The following ATP2C1 variants were observed in gnomAD, a reference collection of about 807,000 sequenced individuals.
ATP2C1 encodes the protein calcium-transporting ATPase type 2C member 1.
Under a neutral mutation model 120.5 loss-of-function variants are expected in ATP2C1, and 31 were observed. That is an observed-to-expected ratio of 0.26 (90% CI 0.19 to 0.35). ATP2C1 has a LOEUF of 0.35. Among genes scored for constraint, ATP2C1 ranks in the 10% least tolerant of loss-of-function variants. ATP2C1 has a pLI of 1.00. For missense variants in ATP2C1, 731 were observed against 1,107.5 expected (o/e 0.66, Z 4.83); for synonymous variants, 351 against 358.7 (o/e 0.98, Z 0.24).
At chr3:130,973,369 A>C (rs2061413367) in intron 17 of ATP2C1, among the ~76,000 whole-genome samples, 1 of 152,180 alleles carries the variant, frequency 6.6e-6, no homozygotes, top group Non-Finnish European at 1.5e-5. Flanking sequence ...CTTTAAGCAA[A>C]GGGGAGATCA....
intron 26 of ATP2C1, among the ~76,000 whole-genome samples, chr3:131,013,107 T>G (rs1417292214): frequency 6.6e-6 from 1 of 152,170 alleles, no homozygotes; most frequent in Non-Finnish European, 1.5e-5. Context: ...CCCAATGCAT[T>G]TATTCTACTT....
chr3:130,880,576 A>C (rs2068750137), intron 1 of ATP2C1, among the ~76,000 whole-genome samples: 3 of 152,256 alleles, frequency 2.0e-5, no homozygotes, highest in African/African-American at 7.2e-5. Context: ...AAATTTTCTA[A>C]GCTAAAGGAT....
chr3:130,865,730 TGCCTTTCACTTCCC>T (rs1385583879), intron 1 of ATP2C1, among the ~76,000 whole-genome samples: 1 of 152,210 alleles, frequency 6.6e-6, no homozygotes, highest in Non-Finnish European at 1.5e-5. Flanking sequence ...ATGTAAGAAG[TGCCTTTCACTTCCC>T]GCCATGTTTC....
intron 5 of ATP2C1, among the ~76,000 whole-genome samples, chr3:130,936,656 CA>C (rs1177507732): frequency 3.3e-4 from 48 of 144,458 alleles, no homozygotes; most frequent in Middle Eastern, 3.5e-3. Flanking sequence ...ACTAAAAATA[CA>C]AAAAAAAAAA....
chr3:130,872,710 G>A (rs1009252416), intron 1 of ATP2C1, among the ~76,000 whole-genome samples: 16 of 151,912 alleles, frequency 1.1e-4, no homozygotes, highest in African/African-American at 3.9e-4. Context: ...TTAGCCTCCC[G>A]AGTAGCTGTG....
chr3:130,903,700 CCCTTTCCTTTCCTTTCCTTT>C (rs145176420), intron 2 of ATP2C1, among the ~76,000 whole-genome samples: 2 of 138,498 alleles, frequency 1.4e-5, no homozygotes, highest in Non-Finnish European at 3.1e-5. Flanking sequence ...TTCCCCTTTC[CCCTTTCCTTTCCTTTCCTTT>C]CCTTTCCTTT....
chr3:130,933,563 C>A (rs2059542203), intron 4 of ATP2C1, among the ~76,000 whole-genome samples: 1 of 152,198 alleles, frequency 6.6e-6, no homozygotes. Flanking sequence ...GGTACTCTGA[C>A]TCAGTCAGGT....
rs375738075 is a variant in ATP2C1, at chr3:130,889,048, T to C, written c.108+38120T>C. On this transcript the variant is annotated intron_variant, in intron 1 of 26. Coordinates refer to the ATP2C1 transcript ENST00000504381. ...TTTACCCAATTATTCCAGTTCCGGG[T>C]TGTAGGTGGCTGGAGCCTATCCAGC... Among the ~76,000 whole-genome samples the C allele has an allele frequency of 5.3e-5, 8 of 152,140 alleles. No homozygotes were observed. The South Asian group carries it at 1.2e-3, about 24-fold the overall frequency.
Position 130,940,689 on chromosome 3 carries a change from T to C in ATP2C1, c.420T>C (p.His140=), listed in dbSNP as rs2059852679. The C allele has an allele frequency of 1.2e-6, 2 of 1,610,420 alleles. No homozygotes were observed. The highest frequency in any genetic ancestry group is 1.1e-5 in the South Asian group (1 of 91,016). ...ELSKLVPPEC[H]CVREGKLEHT... is the part of the protein sequence containing the mutation. Reference sequence around the variant, plus strand: ...GTAAACTTGTGCCACCAGAATGCCATTGGTATGATCCTTTTTTTGGTATGG... The same window carrying C: ...GTAAACTTGTGCCACCAGAATGCCACTGGTATGATCCTTTTTTTGGTATGG... The change falls in exon 7 of 28, where the codon CAT becomes CAC. Residue 140 remains histidine, a splice_region_variant and synonymous_variant. Transcript: ENST00000510168.
chr3:130,926,264 C>G (rs1217296745), intron 2 of ATP2C1, among the ~76,000 whole-genome samples: 1 of 152,180 alleles, frequency 6.6e-6, no homozygotes, highest in Non-Finnish European at 1.5e-5. Context: ...GTCCTGCCTC[C>G]TATCCACCAT....
chr3:130,855,054 C>T (rs752871987), intron 1 of ATP2C1, among the ~76,000 whole-genome samples: 1 of 152,196 alleles, frequency 6.6e-6, no homozygotes, highest in African/African-American at 2.4e-5. Flanking sequence ...CTTTCTCCCC[C>T]TTACGTCCCC....
chr3:130,912,861 C>T (rs1350212246), intron 2 of ATP2C1, among the ~76,000 whole-genome samples: 2 of 152,086 alleles, frequency 1.3e-5, no homozygotes, highest in Non-Finnish European at 2.9e-5. Flanking sequence ...CCCAAATGCC[C>T]AACAATGATA....
chr3:130,886,296 T>C (rs1200784570), intron 1 of ATP2C1, among the ~76,000 whole-genome samples: 2 of 152,310 alleles, frequency 1.3e-5, no homozygotes, highest in African/African-American at 4.8e-5. Flanking sequence ...GAGTCTGATA[T>C]ATTAAATACC....
intron 2 of ATP2C1, among the ~76,000 whole-genome samples, chr3:130,906,042 T>C (rs767367231): frequency 1.5e-4 from 23 of 152,130 alleles, no homozygotes; most frequent in Non-Finnish European, 2.8e-4. Context: ...TGGTAAATCA[T>C]GAAGTATTTT....
intron 6 of ATP2C1, 150 bp downstream of exon 6, chr3:130,937,613 A>G (rs1269242972): frequency 4.2e-6 from 3 of 718,044 alleles, no homozygotes; most frequent in South Asian, 3.2e-5. Flanking sequence ...GATACAGACA[A>G]CTCTTCAGGG....
In ATP2C1 at chr3:130,941,596, G is replaced by A. The variant is rs747565606; in HGVS notation, c.428G>A (p.Arg143His). Reference protein sequence around the residue: ...KLVPPECHCVREGKLEHTLAR... With the variant: ...KLVPPECHCVHEGKLEHTLAR... ...GTTTCTATTTCGTGTTACAGTGTGC[G>A]TGAAGGAAAATTGGAGCATACACTT... Residue 143 changes from arginine to histidine, a missense_variant, in exon 8 of 28, where the codon CGT (arginine) becomes CAT (histidine). Arg to His is a conservative substitution (Grantham distance 29, BLOSUM62 0). Around this residue, in one of 3 missense-constraint regions of ATP2C1, gnomAD observed 571 missense variants for 845.9 expected, o/e 0.67. Transcript: ENST00000510168. 7 of 1,613,080 alleles carry A rather than the reference G, an allele frequency of 4.3e-6. No individual in the cohort carries two copies. The highest frequency in any genetic ancestry group is 2.2e-5 in the East Asian group (1 of 44,844).
At position 130,977,885 on chromosome 3, in the gene ATP2C1, T is replaced by A. The variant is rs184570699; in HGVS notation, c.1571-1364T>A. ...ATTACATCTTATGAAACAAGTTTCT[T>A]AAAATACTGTGGTTCTTAATTTTGA... On this transcript the variant is annotated intron_variant, in intron 18 of 27. Transcript: ENST00000510168. 4.6e-3 allele frequency among the ~76,000 whole-genome samples: 698 copies of A among 152,324 alleles called. 4 individuals carry two copies. The highest frequency in any genetic ancestry group is 0.015 in the African/African-American group (633 of 41,562).
rs1217892964 is a variant in ATP2C1 at position 130,983,156 on chromosome 3, A to C, written c.1839+2477A>C. ...TTTTCCTGTTGAAATTTGAGCTTCT[A>C]TTCTTTTTACTACTGTAAATGTTCC... On this transcript the variant is annotated intron_variant, in intron 20 of 27. Transcript: ENST00000510168. Among the ~76,000 whole-genome samples the C allele has an allele frequency of 2.6e-5, 4 of 152,278 alleles. No individual in the cohort carries two copies. In the East Asian group the frequency reaches 7.7e-4, roughly 29 times the overall value.
At chr3:130,929,429 C>G (rs2059361639) in intron 2 of ATP2C1, among the ~76,000 whole-genome samples, 1 of 152,134 alleles carries the variant, frequency 6.6e-6, no homozygotes, top group East Asian at 1.9e-4. Flanking sequence ...CTTAAAGATA[C>G]TGCTTTAAAA....
Sources: allele counts gnomAD v4.1 joint callset (sites outside exome capture counted in the v4.1 genomes callset), GRCh38; gene constraint gnomAD v4.1.1; regional missense constraint gnomAD v4.1.1; transcripts MANE v1.5; gene names NCBI Gene and HGNC (gene_info 2026-07-23, HGNC 2026-07-21).